Variants in TENM2 observed in about 807,000 individuals in gnomAD.
The protein encoded by TENM2 is teneurin transmembrane protein 2, also known as teneurin-2.
TENM2 carries 52 observed loss-of-function variants against 245.2 expected under a neutral mutation model. The observed-to-expected ratio is 0.21, with a 90% CI of 0.17 to 0.27. The LOEUF (loss-of-function observed/expected upper bound fraction) is 0.27, where lower values mean the gene tolerates loss of function less well. Among genes scored for constraint, TENM2 ranks in the 10% least tolerant of loss-of-function variants. The pLI is 1.00. For synonymous variants in TENM2, 1,363 were observed against 1,438.9 expected, an observed-to-expected ratio of 0.95 and a Z score of 1.19; for missense variants, 3,046 against 3,666.8, an observed-to-expected ratio of 0.83 and a Z score of 4.37.
At chr5:167,768,739 A>G (rs755545698) in intron 2 of TENM2, among the ~76,000 whole-genome samples, 2 of 152,210 alleles carry the variant, frequency 1.3e-5, no homozygotes, top group African/African-American at 2.4e-5. Flanking sequence ...AACATTAGCC[A>G]TGCCTTTCTC....
chr5:167,630,314 G>A (rs1045072381), intron 2 of TENM2, among the ~76,000 whole-genome samples: 3 of 152,104 alleles, frequency 2.0e-5, no homozygotes, highest in African/African-American at 7.2e-5. Context: ...AGTGGATCTG[G>A]TAACTGAGAT....
At chr5:167,864,420 T>C (rs1224465099) in intron 2 of TENM2, among the ~76,000 whole-genome samples, 4 of 152,222 alleles carry the variant, frequency 2.6e-5, no homozygotes, top group Non-Finnish European at 5.9e-5. Flanking sequence ...ACACATACCA[T>C]TTAATTCATA....
At chr5:167,961,706 C>A (rs924982804) in intron 4 of TENM2, among the ~76,000 whole-genome samples, 4 of 152,132 alleles carry the variant, frequency 2.6e-5, no homozygotes, top group Non-Finnish European at 4.4e-5. Context: ...TTTATTATGG[C>A]CATTTAAAGA....
chr5:167,431,244 C>G (rs1298873231), intron 2 of TENM2, among the ~76,000 whole-genome samples: 1 of 151,928 alleles, frequency 6.6e-6, no homozygotes, highest in Non-Finnish European at 1.5e-5. Context: ...AAATGATGTA[C>G]CTTATTTCAT....
intron 2 of TENM2, among the ~76,000 whole-genome samples, chr5:167,394,558 A>G (rs1761946834): frequency 6.6e-6 from 1 of 152,068 alleles, no homozygotes; most frequent in Admixed American, 6.6e-5. Flanking sequence ...ATAAATAAAT[A>G]TAAATAAATG....
chr5:167,227,929 A>G, the TENM2 span, among the ~76,000 whole-genome samples: 3 of 152,110 alleles, frequency 2.0e-5, no homozygotes, highest in Non-Finnish European at 4.4e-5. Flanking sequence ...TATGTCACAA[A>G]ATCTTTGCTC....
intron 2 of TENM2, among the ~76,000 whole-genome samples, chr5:167,610,362 C>A (rs1317613238): frequency 1.3e-5 from 2 of 152,088 alleles, no homozygotes; most frequent in Non-Finnish European, 2.9e-5. Flanking sequence ...CCATTGTTGA[C>A]CGACTCAACC....
chr5:167,557,260 A>C (rs1773317779), intron 2 of TENM2, among the ~76,000 whole-genome samples: 1 of 152,176 alleles, frequency 6.6e-6, no homozygotes, highest in Non-Finnish European at 1.5e-5. Context: ...GTGGTTATGT[A>C]ATTTTCATCA....
intron 2 of TENM2, among the ~76,000 whole-genome samples, chr5:167,825,409 T>C (rs534842612): frequency 1.3e-5 from 2 of 152,190 alleles, no homozygotes; most frequent in African/African-American, 4.8e-5. Flanking sequence ...AAGACCCTAG[T>C]GGTTCCATGA....
intron 2 of TENM2, among the ~76,000 whole-genome samples, chr5:167,655,796 G>A (rs1754804246): frequency 6.6e-6 from 1 of 152,164 alleles, no homozygotes; most frequent in South Asian, 2.1e-4. Context: ...TTGTTGAAAC[G>A]TTTTTGACAG....
chr5:167,102,582 GCA>G, the TENM2 span, among the ~76,000 whole-genome samples: 1 of 152,218 alleles, frequency 6.6e-6, no homozygotes, highest in African/African-American at 2.4e-5. Context: ...GTGCAGTCTA[GCA>G]CTGGTGCATG....
chr5:167,403,097 C>T (rs554059874), intron 2 of TENM2, among the ~76,000 whole-genome samples: 92 of 151,900 alleles, frequency 6.1e-4, no homozygotes, highest in Middle Eastern at 3.2e-3. Context: ...TAAAGATTTA[C>T]CAGCTTAGAA....
the TENM2 span, among the ~76,000 whole-genome samples, chr5:167,014,275 A>G: frequency 3.9e-5 from 6 of 152,146 alleles, no homozygotes; most frequent in African/African-American, 1.4e-4. Context: ...ACGACATAAG[A>G]TATTTTAGAC....
At chr5:167,890,832 A>T (rs763868459) in intron 3 of TENM2, among the ~76,000 whole-genome samples, 1 of 152,186 alleles carries the variant, frequency 6.6e-6, no homozygotes, top group African/African-American at 2.4e-5. Flanking sequence ...TGTCATTAAC[A>T]ATAATCTCCA....
intron 4 of TENM2, among the ~76,000 whole-genome samples, chr5:167,971,645 G>T (rs1352767731): frequency 6.6e-6 from 1 of 152,138 alleles, no homozygotes; most frequent in Non-Finnish European, 1.5e-5. Flanking sequence ...AGGTTGCAGT[G>T]AGCCAAGATC....
the TENM2 span, among the ~76,000 whole-genome samples, chr5:167,158,860 C>T: frequency 7.5e-6 from 1 of 132,762 alleles, no homozygotes; most frequent in African/African-American, 2.9e-5. Flanking sequence ...TCCTTCCTTC[C>T]TTCCTTCCTT....
chr5:167,030,915 C>T, the TENM2 span, among the ~76,000 whole-genome samples: 1 of 152,178 alleles, frequency 6.6e-6, no homozygotes, highest in Non-Finnish European at 1.5e-5. Context: ...ACGGAAAGGC[C>T]TTCATCCAGG....
At chr5:167,168,747 GT>G in the TENM2 span, among the ~76,000 whole-genome samples, 1 of 152,028 alleles carries the variant, frequency 6.6e-6, no homozygotes, top group Non-Finnish European at 1.5e-5. Context: ...TGATGCCTGA[GT>G]TTATTTTTTT....
In TENM2 at chr5:167,299,608, G is replaced by A. The variant is rs553784574; in HGVS notation, c.226+14545G>A. On this transcript the variant is annotated intron_variant, in intron 1 of 28. Coordinates refer to ENST00000518659, the Ensembl canonical transcript of TENM2. ...ATGAGAGGTTTTAAGAGGCAGGCTA[G>A]TGGCCTGTACTATAGCATAGCCTGC... 2.6e-5 allele frequency among the ~76,000 whole-genome samples: 4 copies of A among 152,328 alleles called. No homozygotes were observed. The South Asian group carries it at 8.3e-4, about 32-fold the overall frequency.
Sources: allele counts gnomAD v4.1 joint callset (sites outside exome capture counted in the v4.1 genomes callset), GRCh38; gene constraint gnomAD v4.1.1; transcripts MANE v1.5; gene names NCBI Gene and HGNC (gene_info 2026-07-23, HGNC 2026-07-21).